STPG1: variants seen among roughly 807,000 people sequenced by gnomAD.
The protein encoded by STPG1 is sperm tail PG-rich repeat containing 1.
Under a neutral mutation model 40.1 loss-of-function variants are expected in STPG1, and 33 were observed. That is an observed-to-expected ratio of 0.82 (90% confidence interval 0.62 to 1.10). STPG1 has a LOEUF of 1.10. Among genes scored for constraint, STPG1 ranks in the 50% least tolerant of loss-of-function variants. The probability of loss-of-function intolerance (pLI) is 0.00; values close to 1 mark genes in which losing one functional copy is unlikely to be tolerated. For synonymous variants in STPG1, 150 were observed against 155.0 expected, an observed-to-expected ratio of 0.97 and a Z score of 0.24; for missense variants, 396 against 415.1, an observed-to-expected ratio of 0.95 and a Z score of 0.40.
intron 7 of STPG1, among the ~76,000 whole-genome samples, chr1:24,366,489 T>C (rs571318312): frequency 1.1e-4 from 17 of 152,356 alleles, no homozygotes; most frequent in African/African-American, 3.8e-4. Context: ...ATTTTCTTCA[T>C]CATTCATCGG....
At chr1:24,383,223 T>C (rs994114803) in intron 4 of STPG1, among the ~76,000 whole-genome samples, 1 of 152,204 alleles carries the variant, frequency 6.6e-6, no homozygotes, top group Non-Finnish European at 1.5e-5. Flanking sequence ...ACTTTTCACT[T>C]TTCTTCCTCA....
intron 1 of STPG1, among the ~76,000 whole-genome samples, chr1:24,406,350 T>C (rs1259144098): frequency 1.3e-5 from 2 of 152,154 alleles, no homozygotes; most frequent in African/African-American, 4.8e-5. Context: ...TTTGCTACTT[T>C]TGTATACATT....
At chr1:24,369,928 G>T in intron 6 of STPG1, 89 bp from the exon 7 acceptor site, 2 of 1,174,942 alleles carry the variant, frequency 1.7e-6, no homozygotes, top group Non-Finnish European at 2.4e-6. Flanking sequence ...ACACCTGATG[G>T]CTGCAAGGCA....
chr1:24,381,939 C>T (rs751770261), intron 4 of STPG1, among the ~76,000 whole-genome samples: 1 of 152,216 alleles, frequency 6.6e-6, no homozygotes. Flanking sequence ...CCATCGACCA[C>T]TTCAGGCACC....
intron 2 of STPG1, among the ~76,000 whole-genome samples, chr1:24,400,623 C>T (rs902936908): frequency 2.6e-5 from 4 of 152,198 alleles, no homozygotes; most frequent in African/African-American, 7.2e-5. Context: ...TCTGGAAGCC[C>T]ACCAGGGAGG....
At chr1:24,392,365 T>C (rs982410552) in intron 2 of STPG1, among the ~76,000 whole-genome samples, 1 of 152,222 alleles carries the variant, frequency 6.6e-6, no homozygotes, top group South Asian at 2.1e-4. Context: ...AGGTTGATTA[T>C]AGACTCTAAC....
chr1:24,372,981 A>G (rs1163852238), intron 6 of STPG1, among the ~76,000 whole-genome samples: 1 of 152,218 alleles, frequency 6.6e-6, no homozygotes, highest in Non-Finnish European at 1.5e-5. Flanking sequence ...AAACACTTGC[A>G]GGAAAGCTCT....
intron 1 of STPG1, among the ~76,000 whole-genome samples, chr1:24,406,505 T>C (rs2148715850): frequency 6.6e-6 from 1 of 152,254 alleles, no homozygotes; most frequent in South Asian, 2.1e-4. Context: ...AGTGTCATAG[T>C]CCTTCTATCT....
chr1:24,386,400 C>T (rs1175628017), intron 3 of STPG1, among the ~76,000 whole-genome samples: 3 of 152,218 alleles, frequency 2.0e-5, no homozygotes, highest in Non-Finnish European at 4.4e-5. Flanking sequence ...AAAGAGAGTC[C>T]TCCAGGCAGC....
At chr1:24,369,360 G>T (rs1228415865) in intron 7 of STPG1, 1 of 522,718 alleles carries the variant, frequency 1.9e-6, no homozygotes, top group Middle Eastern at 3.0e-4. Context: ...AGTTGGCTGT[G>T]TGGACTTGGG....
In STPG1 at chr1:24,399,220, G is replaced by T. The variant is rs762226277; in HGVS notation, c.70+2099C>A. Among the ~76,000 whole-genome samples the T allele has an allele frequency of 6.6e-6, 1 of 152,176 alleles. No individual in the cohort carries two copies. Among genetic ancestry groups the T allele is most frequent in the Non-Finnish European group, 1.5e-5 (1 of 68,016 alleles). The stretch of plus-strand genomic sequence containing the variant: ...GTTATTATAAAGTTACAGTAATTAG[G>T]ACAGTATGATATTTGAACAGAATAA... On this transcript the variant is annotated intron_variant, in intron 2 of 8. Transcript: ENST00000337248. The surrounding 1 kb of genome is among the most constrained non-coding windows in gnomAD (Gnocchi z 4.0).
chr1:24,361,163 T>G (rs532147), intron 7 of STPG1, 122 bp from the exon 8 acceptor site: 1 of 853,824 alleles, frequency 1.2e-6, no homozygotes, highest in Non-Finnish European at 1.7e-6. Flanking sequence ...GTCACGGCAC[T>G]GGGGCAGAGC....
intron 1 of STPG1, among the ~76,000 whole-genome samples, chr1:24,412,319 G>A (rs115685323): frequency 0.021 from 3,149 of 152,154 alleles, 125 homozygotes; most frequent in African/African-American, 0.072. Flanking sequence ...CCCAGGCATC[G>A]TCCTGCAGTC....
chr1:24,364,300 CAGAGGG>C, intron 7 of STPG1: 1 of 1,549,900 alleles, frequency 6.5e-7, no homozygotes, highest in Non-Finnish European at 8.7e-7. Flanking sequence ...ATTTTGGAGG[CAGAGGG>C]ACCTGGATTC....
rs748637628 is a variant in STPG1, at chr1:24,369,655, C to A, written c.737+19G>T. The A allele has an allele frequency of 6.4e-7, 1 of 1,568,602 alleles. No individual in the cohort carries two copies. Among genetic ancestry groups the A allele is most frequent in the South Asian group, 1.2e-5 (1 of 85,210 alleles). ...CACAACCACCTTTCAAAAGAAAGAC[C>A]AGAATGATTGGGACTCACGGGAAAA... On this transcript the variant is annotated intron_variant, in intron 7 of 8. Coordinates refer to ENST00000337248, the MANE Select transcript of STPG1 (RefSeq NM_001199013.2).
intron 7 of STPG1, among the ~76,000 whole-genome samples, chr1:24,366,668 T>G (rs560017243): frequency 5.1e-4 from 77 of 152,332 alleles, no homozygotes; most frequent in Non-Finnish European, 7.4e-5. Context: ...CGTTGTCCCC[T>G]GTGTGCTCTC....
At chr1:24,369,211 C>A in intron 7 of STPG1, 1 of 387,530 alleles carries the variant, frequency 2.6e-6, no homozygotes, top group South Asian at 2.0e-5. Flanking sequence ...GCTATGAGAG[C>A]TTGACTGCTT....
At chr1:24,383,318 T>A (rs1371804493) in intron 4 of STPG1, among the ~76,000 whole-genome samples, 2 of 152,258 alleles carry the variant, frequency 1.3e-5, no homozygotes, top group African/African-American at 4.8e-5. Context: ...TCTATTTTTC[T>A]TGACAATGTA....
intron 7 of STPG1, chr1:24,364,049 G>C: frequency 7.6e-7 from 1 of 1,309,214 alleles, no homozygotes; most frequent in Non-Finnish European, 9.9e-7. Context: ...TGCTGCTTCC[G>C]TTTTACCTTC....
Sources: allele counts gnomAD v4.1 joint callset (sites outside exome capture counted in the v4.1 genomes callset), GRCh38; gene constraint gnomAD v4.1.1; non-coding constraint Gnocchi (gnomAD v3.1); transcripts MANE v1.5; gene names NCBI Gene and HGNC (gene_info 2026-07-23, HGNC 2026-07-21).